The following JAK3 variants were observed in gnomAD, a reference collection of about 807,000 sequenced individuals.
The protein encoded by JAK3 is tyrosine-protein kinase JAK3.
A neutral mutation model predicts 120.8 loss-of-function variants in JAK3; 88 were observed. The observed-to-expected ratio is 0.73, with a 90% CI of 0.61 to 0.87. The LOEUF is 0.87. Ranked by LOEUF, JAK3 falls within the 40% of genes least tolerant of loss-of-function variation. The pLI is 0.00. For missense variants in JAK3, 1,254 were observed against 1,501.4 expected (o/e 0.84, Z 2.72); for synonymous variants, 592 against 628.6 (o/e 0.94, Z 0.87).
chr19:17,826,411 TAAA>T lies in JAK3; in HGVS notation c.*329_*331del. On this transcript the variant is annotated 3_prime_UTR_variant, in exon 24 of 24. Transcript: ENST00000458235. ...AAAATAAAAATAAAAATAAAAAAAA[TAAA>T]AAGAGAGAGACAGAAAAGGAAACTC... 1 of 319,190 alleles carries T rather than the reference TAAA, an allele frequency of 3.1e-6. No homozygotes were observed. 19.8% of individuals were successfully genotyped at this position (319,190 alleles called of 1,614,324 possible). A position where few individuals can be genotyped will look rare whatever the true frequency, so the allele number is the denominator to read the frequency against.
Position 17,827,407 on chromosome 19 carries a change from G to T in JAK3, c.3208-497C>A, listed in dbSNP as rs559267338. Among the ~76,000 whole-genome samples, 13 of 151,686 alleles carry T rather than the reference G, an allele frequency of 8.6e-5. No homozygotes were observed. In the South Asian group the frequency reaches 2.7e-3, roughly 32 times the overall value. On this transcript the variant is annotated intron_variant, in intron 23 of 23. Coordinates refer to ENST00000458235, the MANE Select transcript of JAK3 (RefSeq NM_000215.4). ...TTGTTGCCCAGGCTGGAATGCAGTG[G>T]TGCGATCTCGGCTCACTGCAAACCC...
rs200193137 is a variant in JAK3 at position 17,834,565 on chromosome 19, G to A, written c.2350+6C>T. ...CCCTCCCCACCCAACCCGTCCCAGC[G>A]GGCACCTGAAGAGATGAGGCTATTG... On this transcript the variant is annotated splice_donor_region_variant and intron_variant, in intron 17 of 23. Transcript: ENST00000458235. 4.1e-5 allele frequency: 63 copies of A among 1,525,704 alleles called. No homozygotes were observed. The highest frequency in any genetic ancestry group is 2.5e-4 in the African/African-American group (18 of 72,514). 94.5% of individuals were successfully genotyped at this position (1,525,704 alleles called of 1,614,324 possible).
rs2094228045 is a variant in JAK3, at chr19:17,837,870, G to A, written c.1701+62C>T. 6 of 1,608,734 alleles carry A rather than the reference G, an allele frequency of 3.7e-6. No individual in the cohort carries two copies. The East Asian group carries it at 1.1e-4, about 30-fold the overall frequency. ...TCCCTGTGTGTTTTTAAATTTCTCT[G>A]CATCCACGACCCCCTCTCCAGCCAG... On this transcript the variant is annotated intron_variant, in intron 12 of 23. Transcript: ENST00000458235.
Position 17,841,834 on chromosome 19 carries a change from C to A in JAK3, c.862-72G>T. On this transcript the variant is annotated intron_variant, in intron 6 of 23. Coordinates refer to ENST00000458235, the MANE Select transcript of JAK3 (RefSeq NM_000215.4). The surrounding 1 kb of genome is among the most constrained non-coding windows in gnomAD (Gnocchi z 4.1). Reference sequence around the variant, plus strand: ...CCAAACCACGCCCATGAACCCACCCCCAAGCCACACCATCCACTCCCTATC... The same window carrying A: ...CCAAACCACGCCCATGAACCCACCCACAAGCCACACCATCCACTCCCTATC... 6.3e-7 allele frequency: 1 copy of A among 1,585,874 alleles called. No individual in the cohort carries two copies. The highest frequency in any genetic ancestry group is 8.5e-7 in the Non-Finnish European group (1 of 1,172,142).
rs188313162 is a variant in JAK3, at chr19:17,828,577, C to A, written c.3207+1531G>T. On this transcript the variant is annotated intron_variant, in intron 23 of 23. Transcript: ENST00000458235. ...CTATTGCTTGTATTGTTTGTAGAGACAAGGTCTCACTACGTTGCCCAGGCT... is the reference window on the plus strand; with the variant it reads ...CTATTGCTTGTATTGTTTGTAGAGAAAAGGTCTCACTACGTTGCCCAGGCT... Among the ~76,000 whole-genome samples, 230 of 150,214 alleles carry A rather than the reference C, an allele frequency of 1.5e-3. 1 individual carries two copies. Among genetic ancestry groups the A allele is most frequent in the Middle Eastern group, 0.014 (4 of 292 alleles).
intron 9 of JAK3, 67 bp from the exon 10 acceptor site, chr19:17,839,730 T>G: frequency 8.4e-7 from 1 of 1,185,576 alleles, no homozygotes; most frequent in Non-Finnish European, 1.2e-6. Flanking sequence ...TCCTTCTTCC[T>G]TTTTTTTCTT....
chr19:17,827,289 C>G (rs1030776981), intron 23 of JAK3, among the ~76,000 whole-genome samples: 7 of 151,898 alleles, frequency 4.6e-5, no homozygotes, highest in African/African-American at 1.5e-4. Flanking sequence ...AGTTTTAAAA[C>G]ACAAATTAAA....
At position 17,831,271 on chromosome 19, in the gene JAK3, CTT is replaced by C. The variant is rs1380154594; in HGVS notation, c.2933_2934del (p.Lys978ArgfsTer63). ...CCTGGCTCGCGGACCACGTAGTAGT[CTT>C]TGTCAAGCGGCAGCAGCTTAGCTAG... ...FGLAKLLPLD[K>X]DYYVVREPGQ... On this transcript the variant is annotated frameshift_variant, in exon 21 of 24. Transcript: ENST00000458235. LOFTEE classifies it high-confidence loss of function. The surrounding 1 kb of genome is among the most constrained non-coding windows in gnomAD (Gnocchi z 5.1). 1 of 1,612,684 alleles carries C rather than the reference CTT, an allele frequency of 6.2e-7. No individual in the cohort carries two copies. Among genetic ancestry groups the C allele is most frequent in the Non-Finnish European group, 8.5e-7 (1 of 1,179,814 alleles).
rs1490675545 is a variant in JAK3, at chr19:17,832,594, G to C, written c.2605C>G (p.Gln869Glu). 1.5e-5 allele frequency: 24 copies of C among 1,614,126 alleles called. No homozygotes were observed. The highest frequency in any genetic ancestry group is 2.0e-5 in the Non-Finnish European group (24 of 1,180,062). The change falls in exon 19 of 24, where the codon CAG (glutamine) becomes GAG (glutamate). Residue 869 changes from glutamine to glutamate, a missense_variant. Transcript: ENST00000458235. The surrounding 1 kb of genome is among the most constrained non-coding windows in gnomAD (Gnocchi z 4.7). ...HSGPDQQRDF[Q>E]REIQILKALH... Reference sequence around the variant, plus strand: ...GCTTTGAGGATCTGAATCTCCCGCTGAAAGTCCCTCTGCTGGTCTGGCCCG... The same window carrying C: ...GCTTTGAGGATCTGAATCTCCCGCTCAAAGTCCCTCTGCTGGTCTGGCCCG...
chr19:17,841,783 C>T lies in JAK3; in HGVS notation c.862-21G>A, dbSNP rs3212731. 8.5e-3 allele frequency: 13,548 copies of T among 1,600,446 alleles called. 1,008 individuals are homozygous for T. In the African/African-American group the frequency reaches 0.16, roughly 19 times the overall value. On this transcript the variant is annotated intron_variant, in intron 6 of 23. Transcript: ENST00000458235. The surrounding 1 kb of genome is among the most constrained non-coding windows in gnomAD (Gnocchi z 4.1). ...AGGACCTGGGAAGGAGGGGGAGTAC[C>T]GAAGTGGGGGCCCAGCTGGACCCCG...
intron 1 of JAK3, among the ~76,000 whole-genome samples, chr19:17,847,706 A>T (rs73518675): frequency 0.023 from 3,465 of 151,700 alleles, 119 homozygotes; most frequent in African/African-American, 0.079. Flanking sequence ...CGCATGCGCA[A>T]TGACTCCTCC....
chr19:17,839,699 G>T (rs200783042), intron 9 of JAK3, 36 bp from the exon 10 acceptor site: 2 of 1,492,856 alleles, frequency 1.3e-6, no homozygotes, highest in Non-Finnish European at 9.2e-7. Flanking sequence ...GGGACTGAGC[G>T]ACAGACACTC....
chr19:17,830,245 TG>T, intron 22 of JAK3, 27 bp from the exon 23 acceptor site: 1 of 1,196,376 alleles, frequency 8.4e-7, no homozygotes, highest in South Asian at 1.4e-5. Flanking sequence ...GCGCATGTGG[TG>T]GGGGAGGAGC....
rs886054268 is a variant in JAK3, at chr19:17,825,212, A to G, written c.*1531T>C. ...AGGAACTTGCCCACTGTCACACTGC[A>G]TGGAAGGGGCAAAACTGTAGGCTCC... On this transcript the variant is annotated 3_prime_UTR_variant, in exon 24 of 24. Coordinates refer to ENST00000458235, the MANE Select transcript of JAK3 (RefSeq NM_000215.4). The G allele has an allele frequency of 8.7e-6, 2 of 229,462 alleles. No homozygotes were observed. The highest frequency in any genetic ancestry group is 1.7e-5 in the Non-Finnish European group (2 of 115,744). 14.2% of individuals were successfully genotyped at this position (229,462 alleles called of 1,614,324 possible).
At chr19:17,846,992 G>A (rs897134432) in intron 1 of JAK3, among the ~76,000 whole-genome samples, 4 of 152,086 alleles carry the variant, frequency 2.6e-5, no homozygotes, top group Non-Finnish European at 2.9e-5. Flanking sequence ...CCACCTCCCA[G>A]GTTCAAGCGA....
intron 23 of JAK3, among the ~76,000 whole-genome samples, chr19:17,828,345 TC>T (rs1489703127): frequency 6.6e-6 from 1 of 152,298 alleles, no homozygotes; most frequent in East Asian, 1.9e-4. Context: ...AGCCTTAACC[TC>T]CTGGGCTCAA....
chr19:17,842,898 G>T lies in JAK3; in HGVS notation c.566+129C>A. Reference sequence around the variant, plus strand: ...GTGGAGAGGGCTGGGTTCGTGGGAGGCCCTGGGTCATAGGAACACCCTGAA... The same window carrying T: ...GTGGAGAGGGCTGGGTTCGTGGGAGTCCCTGGGTCATAGGAACACCCTGAA... On this transcript the variant is annotated intron_variant, in intron 5 of 23. Coordinates refer to ENST00000458235, the MANE Select transcript of JAK3 (RefSeq NM_000215.4). The surrounding 1 kb of genome is among the most constrained non-coding windows in gnomAD (Gnocchi z 6.4). 7.6e-7 allele frequency: 1 copy of T among 1,307,296 alleles called. No individual in the cohort carries two copies. Among genetic ancestry groups the T allele is most frequent in the Non-Finnish European group, 1.1e-6 (1 of 927,556 alleles). 81.0% of individuals were successfully genotyped at this position (1,307,296 alleles called of 1,614,324 possible).
rs181625436 is a variant in JAK3, at chr19:17,846,567, C to A, written c.-14+1379G>T. ...CTCTCTATCGTCCCCTCAACATCAGCCAATCAAGTTTTTTGGTTTGTTTGT... is the reference window on the plus strand; with the variant it reads ...CTCTCTATCGTCCCCTCAACATCAGACAATCAAGTTTTTTGGTTTGTTTGT... On this transcript the variant is annotated intron_variant, in intron 1 of 23. Coordinates refer to ENST00000458235, the MANE Select transcript of JAK3 (RefSeq NM_000215.4). Among the ~76,000 whole-genome samples the A allele has an allele frequency of 7.5e-4, 114 of 152,246 alleles. 1 individual carries two copies. The highest frequency in any genetic ancestry group is 8.8e-5 in the Non-Finnish European group (6 of 68,006).
chr19:17,834,426 G>A, intron 17 of JAK3, 145 bp downstream of exon 17: 2 of 773,532 alleles, frequency 2.6e-6, no homozygotes, highest in Non-Finnish European at 4.5e-6. Context: ...TACAGTAGCT[G>A]TTGAAGCTCA....
Sources: allele counts gnomAD v4.1 joint callset (sites outside exome capture counted in the v4.1 genomes callset), GRCh38; gene constraint gnomAD v4.1.1; non-coding constraint Gnocchi (gnomAD v3.1); transcripts MANE v1.5; gene names NCBI Gene and HGNC (gene_info 2026-07-23, HGNC 2026-07-21).